Variants in IL1RAPL1 observed in about 807,000 individuals in gnomAD.
IL1RAPL1 encodes the protein interleukin 1 receptor accessory protein like 1, also known as interleukin-1 receptor accessory protein-like 1.
A neutral mutation model predicts 48.4 loss-of-function variants in IL1RAPL1; 3 were observed. That is an observed-to-expected ratio of 0.06 (90% CI 0.03 to 0.16). The LOEUF (loss-of-function observed/expected upper bound fraction) is 0.16, where lower values mean the gene tolerates loss of function less well. Ranked by LOEUF, IL1RAPL1 falls within the 10% of genes least tolerant of loss-of-function variation. The pLI is 1.00. For synonymous variants in IL1RAPL1, 185 were observed against 187.7 expected (o/e 0.99, Z 0.12); for missense variants, 349 against 530.6 (o/e 0.66, Z 3.36).
chrX:28,726,680 T>C (rs747520882), intron 1 of IL1RAPL1, among the ~76,000 whole-genome samples: 70 of 112,412 alleles, frequency 6.2e-4, no homozygotes, highest in Non-Finnish European at 9.4e-4. Flanking sequence ...CAGTTATTAA[T>C]TGACTTATAT....
chrX:29,248,347 G>A (rs1402379564), intron 2 of IL1RAPL1, among the ~76,000 whole-genome samples: 4 of 111,465 alleles, frequency 3.6e-5, no homozygotes, highest in African/African-American at 9.8e-5. Context: ...AACGTGGGAG[G>A]CGGAGGCAGA....
At chrX:28,741,587 C>T (rs778085917) in intron 1 of IL1RAPL1, among the ~76,000 whole-genome samples, 11 of 111,652 alleles carry the variant, frequency 9.9e-5, no homozygotes, top group African/African-American at 3.2e-4. Context: ...GACAAACAGA[C>T]TATATTAAAA....
chrX:29,797,005 C>T (rs952617102), intron 6 of IL1RAPL1, among the ~76,000 whole-genome samples: 1 of 112,847 alleles, frequency 8.9e-6, no homozygotes, highest in African/African-American at 3.2e-5. Context: ...TTTTACACTA[C>T]TGTGAGAACA....
At chrX:28,940,080 A>G (rs1289621050) in intron 2 of IL1RAPL1, among the ~76,000 whole-genome samples, 2 of 111,767 alleles carry the variant, frequency 1.8e-5, no homozygotes, top group Non-Finnish European at 1.9e-5. Context: ...CTATATTTTT[A>G]TATTTAATAT....
intron 2 of IL1RAPL1, among the ~76,000 whole-genome samples, chrX:28,801,502 G>A (rs893812472): frequency 9.0e-6 from 1 of 111,164 alleles, no homozygotes; most frequent in Admixed American, 9.6e-5. Context: ...AATTTTCCAC[G>A]GTTAATCTTC....
intron 2 of IL1RAPL1, among the ~76,000 whole-genome samples, chrX:28,853,139 G>A (rs1411282599): frequency 2.7e-5 from 3 of 111,021 alleles, no homozygotes; most frequent in African/African-American, 9.9e-5. Context: ...GGGTGGAAAT[G>A]AGCAGAGCAG....
chrX:29,389,699 G>T (rs941337296), intron 3 of IL1RAPL1, among the ~76,000 whole-genome samples: 1 of 112,483 alleles, frequency 8.9e-6, no homozygotes, highest in East Asian at 2.8e-4. Context: ...CTAAAAAAGA[G>T]AAGACAATTA....
chrX:29,054,540 A>G (rs1927169386), intron 2 of IL1RAPL1, among the ~76,000 whole-genome samples: 1 of 111,673 alleles, frequency 9.0e-6, no homozygotes, highest in East Asian at 2.8e-4. Context: ...CCAAATCACA[A>G]GCTGTATGGG....
intron 1 of IL1RAPL1, among the ~76,000 whole-genome samples, chrX:28,727,541 A>G (rs1268003127): frequency 5.7e-5 from 6 of 105,795 alleles, no homozygotes; most frequent in Non-Finnish European, 1.2e-4. Context: ...TCTCCTGCCT[A>G]ATTGCCCTGG....
chrX:29,728,154 T>G (rs1927826204), intron 6 of IL1RAPL1, among the ~76,000 whole-genome samples: 1 of 111,349 alleles, frequency 9.0e-6, no homozygotes, highest in Non-Finnish European at 1.9e-5. Context: ...ACCAGGATGG[T>G]CTTGATCTCC....
intron 2 of IL1RAPL1, among the ~76,000 whole-genome samples, chrX:28,891,345 G>T (rs2147319788): frequency 8.9e-6 from 1 of 111,863 alleles, no homozygotes; most frequent in South Asian, 3.7e-4. Flanking sequence ...CCATGCTACT[G>T]ACCCATTTAA....
chrX:29,801,741 C>T (rs1334951553), intron 6 of IL1RAPL1, among the ~76,000 whole-genome samples: 1 of 111,667 alleles, frequency 9.0e-6, no homozygotes, highest in Non-Finnish European at 1.9e-5. Context: ...TAACTAAGAT[C>T]GATCAAAGTA....
rs139442296 is a variant in IL1RAPL1, at chrX:28,690,504, A to T, written c.-24-98816A>T. On this transcript the variant is annotated intron_variant, in intron 1 of 10. Coordinates refer to ENST00000378993, the MANE Select transcript of IL1RAPL1 (RefSeq NM_014271.4). ...ACACAGAACTGGAAATATTTGGTGA[A>T]CAGCTCTCATGATTGCTGTACTGCC... Among the ~76,000 whole-genome samples the T allele has an allele frequency of 8.1e-3, 904 of 111,766 alleles. 11 individuals are homozygous for T. The highest frequency in any genetic ancestry group is 0.028 in the African/African-American group (853 of 30,774).
chrX:28,950,794 A>G (rs1159458068), intron 2 of IL1RAPL1, among the ~76,000 whole-genome samples: 17 of 107,246 alleles, frequency 1.6e-4, no homozygotes, highest in Non-Finnish European at 2.7e-4. Flanking sequence ...AGGACTATAA[A>G]TCATGCTGCT....
chrX:29,591,714 G>A (rs770852239), intron 5 of IL1RAPL1, among the ~76,000 whole-genome samples: 5 of 112,737 alleles, frequency 4.4e-5, no homozygotes, highest in Non-Finnish European at 9.4e-5. Context: ...GACAGATGCA[G>A]CTGTTTATTA....
At chrX:28,762,784 G>GCACA (rs1340159103) in intron 1 of IL1RAPL1, among the ~76,000 whole-genome samples, 2 of 54,375 alleles carry the variant, frequency 3.7e-5, no homozygotes, top group African/African-American at 2.4e-4. Context: ...ACGCACGCGC[G>GCACA]CGCACACACA....
chrX:29,444,340 TA>T (rs1285478144), intron 5 of IL1RAPL1, among the ~76,000 whole-genome samples: 92 of 67,219 alleles, frequency 1.4e-3, no homozygotes, highest in Admixed American at 1.6e-3. Flanking sequence ...AGACTCTGTC[TA>T]AAAAAAAAAA....
At chrX:29,328,367 T>C (rs753042849) in intron 3 of IL1RAPL1, among the ~76,000 whole-genome samples, 2 of 111,033 alleles carry the variant, frequency 1.8e-5, no homozygotes, top group South Asian at 7.5e-4. Context: ...TATAAGAAGA[T>C]ATCCCAAAAT....
At chrX:28,659,275 A>G in intron 1 of IL1RAPL1, 1 of 564,820 alleles carries the variant, frequency 1.8e-6, no homozygotes, top group Non-Finnish European at 3.2e-6. Context: ...GCTGGACGGG[A>G]AGTTTGTGAA....
Sources: gnomAD v4.1 joint callset for allele counts (sites outside exome capture counted in the v4.1 genomes callset) on GRCh38, gnomAD v4.1.1 for gene constraint, MANE v1.5 for transcripts, NCBI Gene and HGNC (gene_info 2026-07-23, HGNC 2026-07-21) for gene names.